MREG: variants seen among roughly 807,000 people sequenced by gnomAD.
MREG encodes the protein dilute suppressor protein homolog.
A neutral mutation model predicts 28.5 loss-of-function variants in MREG; 31 were observed. That is an observed-to-expected ratio of 1.09 (90% CI 0.82 to 1.47). The LOEUF is 1.47. Ranked by LOEUF, MREG falls within the 40% of genes most tolerant of loss-of-function variation. MREG has a pLI of 0.00. For synonymous variants in MREG, 106 were observed against 95.2 expected, an observed-to-expected ratio of 1.11 and a Z score of -0.66; for missense variants, 256 against 257.4, an observed-to-expected ratio of 0.99 and a Z score of 0.04.
chr2:216,002,909 T>TTTCTCTCC (rs1233240927), intron 1 of MREG, among the ~76,000 whole-genome samples: 3 of 151,480 alleles, frequency 2.0e-5, no homozygotes, highest in Non-Finnish European at 2.9e-5. Flanking sequence ...CTCTTCTCTC[T>TTTCTCTCC]TTCTCTCCCT....
rs531216789 is a variant in MREG at position 215,947,594 on chromosome 2, A to G, written c.256-481T>C. 4.6e-5 allele frequency among the ~76,000 whole-genome samples: 7 copies of G among 152,362 alleles called. No homozygotes were observed. The East Asian group carries it at 1.3e-3, about 29-fold the overall frequency. ...GTCATCAGCTAATAGGTATCAGAAT[A>G]GATATTGGAAGCCAAGTCTGGCTCA... On this transcript the variant is annotated intron_variant, in intron 2 of 4. Coordinates refer to ENST00000263268, the MANE Select transcript of MREG (RefSeq NM_018000.3).
intron 2 of MREG, among the ~76,000 whole-genome samples, chr2:215,971,099 A>G (rs928909108): frequency 1.3e-5 from 2 of 152,038 alleles, no homozygotes; most frequent in Non-Finnish European, 2.9e-5. Context: ...GAATACACGA[A>G]CATGGGGGTG....
chr2:215,985,885 T>C (rs1693556167), intron 2 of MREG, among the ~76,000 whole-genome samples: 1 of 152,230 alleles, frequency 6.6e-6, no homozygotes, highest in South Asian at 2.1e-4. Context: ...CCTTAGTAAG[T>C]GAAATTTGGT....
At chr2:215,963,713 A>G (rs1692862057) in intron 2 of MREG, among the ~76,000 whole-genome samples, 1 of 152,172 alleles carries the variant, frequency 6.6e-6, no homozygotes, top group Non-Finnish European at 1.5e-5. Context: ...GCCTAATACC[A>G]CCAGAAAACA....
At chr2:216,020,590 G>A (rs1006832531) in intron 1 of MREG, among the ~76,000 whole-genome samples, 26 of 152,188 alleles carry the variant, frequency 1.7e-4, no homozygotes, top group African/African-American at 6.3e-4. Context: ...GAGGAGCTGA[G>A]GAGACAGGAA....
intron 2 of MREG, among the ~76,000 whole-genome samples, chr2:215,985,500 A>C (rs1297586186): frequency 6.6e-6 from 1 of 152,218 alleles, no homozygotes; most frequent in Admixed American, 6.5e-5. Context: ...ATGAAGGTGG[A>C]TTCTGTCTAT....
intron 1 of MREG, among the ~76,000 whole-genome samples, chr2:216,001,278 G>A (rs1223245296): frequency 6.6e-6 from 1 of 152,196 alleles, no homozygotes; most frequent in Non-Finnish European, 1.5e-5. Context: ...TCTCCAGAAG[G>A]TGAGTGCCTC....
At chr2:216,029,798 G>C (rs753963764) in intron 1 of MREG, among the ~76,000 whole-genome samples, 1 of 152,230 alleles carries the variant, frequency 6.6e-6, no homozygotes, top group Non-Finnish European at 1.5e-5. Flanking sequence ...ATTTGTTTTT[G>C]ACAGGGATTC....
chr2:216,031,314 G>A (rs113903488), intron 1 of MREG, among the ~76,000 whole-genome samples: 3,170 of 152,080 alleles, frequency 0.021, 125 homozygotes, highest in African/African-American at 0.072. Context: ...GGCTGAGACA[G>A]GAGAATTGCT....
chr2:215,958,591 C>G (rs1369820885), intron 2 of MREG, among the ~76,000 whole-genome samples: 1 of 152,218 alleles, frequency 6.6e-6, no homozygotes, highest in Non-Finnish European at 1.5e-5. Context: ...CATTCTGCAT[C>G]CCTCCCTTCA....
chr2:215,976,004 G>T (rs1693247337), intron 2 of MREG, among the ~76,000 whole-genome samples: 1 of 151,994 alleles, frequency 6.6e-6, no homozygotes, highest in Non-Finnish European at 1.5e-5. Context: ...TGGGGGAGCT[G>T]GGCTGAGGCA....
chr2:216,003,700 A>C (rs1219371063), intron 1 of MREG, among the ~76,000 whole-genome samples: 1 of 152,138 alleles, frequency 6.6e-6, no homozygotes, highest in Non-Finnish European at 1.5e-5. Context: ...CTCCCCACTC[A>C]GATGATGGCA....
At chr2:215,995,216 G>A (rs1326272482) in intron 2 of MREG, among the ~76,000 whole-genome samples, 1 of 152,156 alleles carries the variant, frequency 6.6e-6, no homozygotes, top group Non-Finnish European at 1.5e-5. Flanking sequence ...TGGGTGCTCG[G>A]TCACTAGTGG....
chr2:216,019,056 C>T (rs1391661752), intron 1 of MREG, among the ~76,000 whole-genome samples: 1 of 152,242 alleles, frequency 6.6e-6, no homozygotes, highest in East Asian at 1.9e-4. Context: ...GACCCAACCA[C>T]AATTGCTCTA....
At chr2:216,020,416 T>C (rs1694503206) in intron 1 of MREG, among the ~76,000 whole-genome samples, 1 of 152,184 alleles carries the variant, frequency 6.6e-6, no homozygotes, top group African/African-American at 2.4e-5. Context: ...TTCCTGTTAG[T>C]GATCTTAGCA....
chr2:216,011,633 G>A (rs747300005), intron 1 of MREG, among the ~76,000 whole-genome samples: 49 of 152,254 alleles, frequency 3.2e-4, no homozygotes, highest in African/African-American at 5.5e-4. Context: ...ATGCTACTCC[G>A]CTCCAATTGA....
intron 1 of MREG, among the ~76,000 whole-genome samples, chr2:216,030,944 TCTCTCTCTCTCTCACACACACACA>T (rs1694675805): frequency 1.7e-5 from 1 of 57,356 alleles, no homozygotes; most frequent in African/African-American, 4.7e-5. Flanking sequence ...TCTCTCTCTC[TCTCTCTCTCTCTCACACACACACA>T]CACACACACA....
At chr2:216,019,527 CAG>C (rs1225322293) in intron 1 of MREG, among the ~76,000 whole-genome samples, 1 of 146,852 alleles carries the variant, frequency 6.8e-6, no homozygotes, top group Non-Finnish European at 1.5e-5. Context: ...TTTTTTGAGA[CAG>C]AGTCTTGCTC....
chr2:216,009,813 G>A (rs904269192), intron 1 of MREG, among the ~76,000 whole-genome samples: 6 of 152,128 alleles, frequency 3.9e-5, no homozygotes, highest in Admixed American at 6.5e-5. Context: ...TGGGATTACA[G>A]GTGTGACCCA....
Sources: gnomAD v4.1 joint callset for allele counts (sites outside exome capture counted in the v4.1 genomes callset) on GRCh38, gnomAD v4.1.1 for gene constraint, MANE v1.5 for transcripts, NCBI Gene and HGNC (gene_info 2026-07-23, HGNC 2026-07-21) for gene names.